SIPA1L2: variants seen among roughly 807,000 people sequenced by gnomAD.
SIPA1L2 encodes the protein signal induced proliferation associated 1 like 2.
Under a neutral mutation model 163.9 loss-of-function variants are expected in SIPA1L2, and 56 were observed. The ratio of observed to expected loss-of-function variants is 0.34; its 90% CI spans 0.28 to 0.43. The LOEUF (loss-of-function observed/expected upper bound fraction) is 0.43, where lower values mean the gene tolerates loss of function less well. SIPA1L2 is among the 20% of genes least tolerant of loss of function. SIPA1L2 has a pLI of 1.00. For missense variants in SIPA1L2, 1,974 were observed against 2,193.5 expected, an observed-to-expected ratio of 0.90 and a Z score of 2.00; for synonymous variants, 877 against 865.7, an observed-to-expected ratio of 1.01 and a Z score of -0.23.
At chr1:232,619,295 AGCTAACCAC>A (rs1231764886) in intron 1 of SIPA1L2, among the ~76,000 whole-genome samples, 1 of 152,206 alleles carries the variant, frequency 6.6e-6, no homozygotes, top group African/African-American at 2.4e-5. Flanking sequence ...CCTTATTCTC[AGCTAACCAC>A]ACAGTCTTTC....
chr1:232,597,746 T>C (rs1225156480), intron 1 of SIPA1L2, among the ~76,000 whole-genome samples: 1 of 133,132 alleles, frequency 7.5e-6, no homozygotes, highest in East Asian at 2.3e-4. Context: ...CTCAGAAGAA[T>C]CACTCAGGCC....
intron 10 of SIPA1L2, among the ~76,000 whole-genome samples, chr1:232,452,265 T>C (rs1270881291): frequency 6.6e-6 from 1 of 152,108 alleles, no homozygotes; most frequent in Non-Finnish European, 1.5e-5. Context: ...GAAGACTTCT[T>C]GGTTACAGCT....
At position 232,483,875 on chromosome 1, in the gene SIPA1L2, G is replaced by A. The variant is rs878914164; in HGVS notation, c.1898C>T (p.Ala633Val). The A allele has an allele frequency of 3.1e-6, 5 of 1,614,042 alleles. No individual in the cohort carries two copies. The Admixed American group carries it at 6.7e-5, about 22-fold the overall frequency. Residue 633 changes from alanine (A) to valine (V), a missense_variant, in exon 6 of 23, where the codon GCT (alanine) becomes GTT (valine). By Grantham distance (64) the Ala-to-Val change is moderately conservative. Coordinates refer to ENST00000674635, the MANE Select transcript of SIPA1L2 (RefSeq NM_020808.5). ...CAGAAGATCAAGGAATTCTTCAAAA[G>A]CTGGTCCCGCCGTCTCATTGTTATA... ...EMYNNETAGP[A>V]FEEFLDLLGQ...
chr1:232,414,652 C>G (rs1311913233), intron 19 of SIPA1L2, among the ~76,000 whole-genome samples: 2 of 152,160 alleles, frequency 1.3e-5, no homozygotes, highest in Non-Finnish European at 2.9e-5. Context: ...TAAACAGCCC[C>G]TACTAAAATG....
intron 2 of SIPA1L2, among the ~76,000 whole-genome samples, chr1:232,518,495 A>C (rs749391884): frequency 6.6e-6 from 1 of 151,918 alleles, no homozygotes; most frequent in South Asian, 2.1e-4. Context: ...GTGGTTCTTT[A>C]ATCTCTCTCC....
intron 2 of SIPA1L2, among the ~76,000 whole-genome samples, chr1:232,528,101 T>A (rs1342024691): frequency 3.7e-5 from 5 of 135,334 alleles, no homozygotes; most frequent in East Asian, 2.0e-4. Flanking sequence ...TATATATATA[T>A]AATCAACTTT....
intron 1 of SIPA1L2, among the ~76,000 whole-genome samples, chr1:232,625,481 A>G (rs1007088264): frequency 3.3e-5 from 5 of 152,242 alleles, no homozygotes; most frequent in Non-Finnish European, 5.9e-5. Flanking sequence ...TCAGCGCAAG[A>G]TGGAAAGACG....
intron 19 of SIPA1L2, among the ~76,000 whole-genome samples, chr1:232,404,668 G>A (rs1660539360): frequency 2.6e-5 from 4 of 152,192 alleles, no homozygotes; most frequent in Admixed American, 2.0e-4. Flanking sequence ...GAGGTCGGAA[G>A]GAAAGGGAAT....
Position 232,465,824 on chromosome 1 carries a change from C to T in SIPA1L2, c.2244-408G>A, listed in dbSNP as rs1303837532. On this transcript the variant is annotated intron_variant, in intron 8 of 22. Coordinates refer to ENST00000674635, the MANE Select transcript of SIPA1L2 (RefSeq NM_020808.5). The surrounding 1 kb of genome is among the most constrained non-coding windows in gnomAD (Gnocchi z 4.1). ...GGCCCTAATCCAACTGACTGGTGTC[C>T]TTATAAGAGGAGAAAATTTGGGCTT... 6.6e-6 allele frequency among the ~76,000 whole-genome samples: 1 copy of T among 151,464 alleles called. No homozygotes were observed. The highest frequency in any genetic ancestry group is 1.5e-5 in the Non-Finnish European group (1 of 67,928).
chr1:232,419,107 C>G (rs575940061), intron 18 of SIPA1L2, among the ~76,000 whole-genome samples: 2 of 152,194 alleles, frequency 1.3e-5, no homozygotes, highest in Admixed American at 1.3e-4. Context: ...TTGGGGGAGG[C>G]CTGTCCAAGG....
intron 15 of SIPA1L2, among the ~76,000 whole-genome samples, chr1:232,434,005 G>C (rs1407211366): frequency 3.3e-5 from 5 of 152,214 alleles, no homozygotes; most frequent in Non-Finnish European, 7.3e-5. Flanking sequence ...ACTTAGAACA[G>C]TGAGTAGCAT....
chr1:232,444,840 C>T (rs977940722), intron 11 of SIPA1L2, among the ~76,000 whole-genome samples: 3 of 152,106 alleles, frequency 2.0e-5, no homozygotes, highest in Non-Finnish European at 4.4e-5. Flanking sequence ...CAGAGCCTGA[C>T]AAGTCATAAT....
In SIPA1L2 at chr1:232,624,733, A is replaced by G. The variant is rs144017949; in HGVS notation, c.-319+5136T>C. Among the ~76,000 whole-genome samples the G allele has an allele frequency of 1.6e-3, 249 of 152,340 alleles. 1 individual carries two copies. Among genetic ancestry groups the G allele is most frequent in the African/African-American group, 5.5e-3 (229 of 41,564 alleles). Reference sequence around the variant, plus strand: ...TATGTAGAAGTGAAAAATATGGAGTAATCTAATGGGCAGAGTTCAAGACAC... The same window carrying G: ...TATGTAGAAGTGAAAAATATGGAGTGATCTAATGGGCAGAGTTCAAGACAC... On this transcript the variant is annotated intron_variant, in intron 1 of 22. Coordinates refer to ENST00000674635, the MANE Select transcript of SIPA1L2 (RefSeq NM_020808.5).
intron 2 of SIPA1L2, among the ~76,000 whole-genome samples, chr1:232,564,858 A>T (rs1301166357): frequency 6.6e-6 from 1 of 152,078 alleles, no homozygotes; most frequent in Admixed American, 6.5e-5. Flanking sequence ...ACGAGAACAC[A>T]TGGACATAGG....
At chr1:232,522,011 C>A (rs999967712) in intron 2 of SIPA1L2, among the ~76,000 whole-genome samples, 9 of 152,136 alleles carry the variant, frequency 5.9e-5, no homozygotes, top group African/African-American at 2.2e-4. Context: ...CACCACCAAC[C>A]ACTCAGGTGC....
At chr1:232,497,610 G>A (rs930788545) in intron 3 of SIPA1L2, among the ~76,000 whole-genome samples, 2 of 152,142 alleles carry the variant, frequency 1.3e-5, no homozygotes, top group Admixed American at 1.3e-4. Context: ...CCTCCTGCCA[G>A]AGCTGTCTGC....
chr1:232,466,096 G>C (rs1359714282), intron 8 of SIPA1L2, among the ~76,000 whole-genome samples: 1 of 152,186 alleles, frequency 6.6e-6, no homozygotes, highest in Non-Finnish European at 1.5e-5. Context: ...TCCACAGCAT[G>C]TGGAATAAGC....
chr1:232,557,451 T>C (rs1245478791), intron 2 of SIPA1L2, among the ~76,000 whole-genome samples: 2 of 152,218 alleles, frequency 1.3e-5, no homozygotes, highest in Admixed American at 6.5e-5. Flanking sequence ...AATCATTCAC[T>C]ATCTTAACCC....
intron 18 of SIPA1L2, 110 bp downstream of exon 18, chr1:232,425,479 A>C (rs1279469673): frequency 7.9e-5 from 62 of 782,260 alleles, no homozygotes; most frequent in Non-Finnish European, 1.1e-4. Context: ...TATTTAATAA[A>C]AACAAAAACA....
Sources: allele counts gnomAD v4.1 joint callset (sites outside exome capture counted in the v4.1 genomes callset), GRCh38; gene constraint gnomAD v4.1.1; non-coding constraint Gnocchi (gnomAD v3.1); transcripts MANE v1.5; gene names NCBI Gene and HGNC (gene_info 2026-07-23, HGNC 2026-07-21).